SEMA4D: variants seen among roughly 807,000 people sequenced by gnomAD.
SEMA4D encodes the protein semaphorin-4D.
SEMA4D carries 22 observed loss-of-function variants against 74.8 expected under a neutral mutation model. The ratio of observed to expected loss-of-function variants is 0.29; its 90% CI spans 0.21 to 0.42. The LOEUF is 0.42. SEMA4D is among the 10% of genes least tolerant of loss of function. SEMA4D has a pLI of 1.00. For synonymous variants in SEMA4D, 445 were observed against 463.7 expected (o/e 0.96, Z 0.52); for missense variants, 937 against 1,118.4 (o/e 0.84, Z 2.31).
chr9:89,484,142 G>A lies in SEMA4D; in HGVS notation c.-310+13777C>T, dbSNP rs948735812. On this transcript the variant is annotated intron_variant, in intron 1 of 15. Coordinates refer to ENST00000422704, the MANE Select transcript of SEMA4D (RefSeq NM_001371194.2). This position sits in a 1 kb window ranked among gnomAD's most constrained non-coding sequence, Gnocchi z 4.1. The stretch of plus-strand genomic sequence containing the variant: ...GAACTGGAGCCTTAAAGAGGACGCC[G>A]CGGCCACCCCGCCCTGCAGGCCCAC... Among the ~76,000 whole-genome samples the A allele has an allele frequency of 1.6e-4, 24 of 152,344 alleles. No homozygotes were observed. Among genetic ancestry groups the A allele is most frequent in the African/African-American group, 4.8e-4 (20 of 41,578 alleles).
rs753165801 is a variant in SEMA4D, at chr9:89,379,336, C to G, written c.1957G>C (p.Val653Leu). 6.2e-7 allele frequency: 1 copy of G among 1,614,170 alleles called. No homozygotes were observed. The highest frequency in any genetic ancestry group is 8.5e-7 in the Non-Finnish European group (1 of 1,180,024). Residue 653 changes from valine (V) to leucine (L), a missense_variant, in exon 16 of 16, where the codon GTA becomes CTA. By Grantham distance (32) the Val-to-Leu change is conservative. Transcript: ENST00000422704. ...ACAACTGACAAGGTGGGGGCCACTA[C>G]GGGCTTTGGAACCACCTTCACTTCC... ...VLEVKVVPKP[V>L]VAPTLSVVQT...
intron 13 of SEMA4D, chr9:89,385,073 C>T: frequency 1.0e-6 from 1 of 982,380 alleles, no homozygotes; most frequent in Non-Finnish European, 1.2e-6. Flanking sequence ...GGGCGCGAGG[C>T]TCCCTGTGTG....
At chr9:89,463,749 C>T (rs2135769588) in intron 1 of SEMA4D, among the ~76,000 whole-genome samples, 1 of 152,280 alleles carries the variant, frequency 6.6e-6, no homozygotes, top group South Asian at 2.1e-4. Flanking sequence ...GCCTGGCCAA[C>T]ATGGTGAAAC....
At chr9:89,481,293 C>T (rs1307699372) in intron 1 of SEMA4D, among the ~76,000 whole-genome samples, 1 of 152,174 alleles carries the variant, frequency 6.6e-6, no homozygotes, top group African/African-American at 2.4e-5. Flanking sequence ...GCGAGGGAGG[C>T]GGGGCCCATC....
intron 2 of SEMA4D, among the ~76,000 whole-genome samples, chr9:89,439,843 T>A (rs564576203): frequency 6.6e-6 from 1 of 152,294 alleles, no homozygotes; most frequent in East Asian, 1.9e-4. Flanking sequence ...CTTCACGAAT[T>A]TTAGCTGAAT....
intron 1 of SEMA4D, chr9:89,479,580 G>A (rs553511559): frequency 6.2e-5 from 11 of 176,660 alleles, no homozygotes; most frequent in South Asian, 3.1e-4. Flanking sequence ...ACGGTGGCGC[G>A]TCTGGAGTCT....
At chr9:89,416,772 T>C (rs1845802655) in intron 2 of SEMA4D, among the ~76,000 whole-genome samples, 1 of 152,230 alleles carries the variant, frequency 6.6e-6, no homozygotes, top group Non-Finnish European at 1.5e-5. Context: ...AAAAATTTAA[T>C]TCATGAAGAG....
rs895297595 is a variant in SEMA4D, at chr9:89,377,460, C to T, written c.*1244G>A. The T allele has an allele frequency of 1.3e-5, 2 of 157,500 alleles. No homozygotes were observed. The highest frequency in any genetic ancestry group is 6.4e-5 in the Admixed American group (1 of 15,514). 9.8% of individuals were successfully genotyped at this position (157,500 alleles called of 1,614,324 possible). On this transcript the variant is annotated 3_prime_UTR_variant, in exon 16 of 16. Transcript: ENST00000422704. ...CTCTTCCCGATGGGTATTTACAAAG[C>T]GGGGAGATGGAGTGTGAAATTAACC...
At chr9:89,365,577 C>CA (rs1833513568) in intron 16 of SEMA4D, 2 of 152,228 alleles carry the variant, frequency 1.3e-5, no homozygotes, top group Admixed American at 1.3e-4. Flanking sequence ...CTCACAATGA[C>CA]AAAATGAAGT....
chr9:89,379,075 A>G lies in SEMA4D; in HGVS notation c.2218T>C (p.Phe740Leu), dbSNP rs1201563395. 3 of 1,613,916 alleles carry G rather than the reference A, an allele frequency of 1.9e-6. No individual in the cohort carries two copies. In the South Asian group the frequency reaches 3.3e-5, roughly 18 times the overall value. ...SSDNRLLMSL[F>L]LFFFVLFLCL... ...AGGAAGAGAACAAAGAAGAAGAGGA[A>G]GAGGGACATGAGGAGGCGGTTGTCG... The change falls in exon 16 of 16, where the codon TTC (phenylalanine) becomes CTC (leucine). Residue 740 changes from phenylalanine to leucine, a missense_variant. Phe to Leu is a conservative substitution (Grantham distance 22). Transcript: ENST00000422704.
At chr9:89,392,291 G>GT in intron 8 of SEMA4D, 132 bp downstream of exon 8, 1 of 629,350 alleles carries the variant, frequency 1.6e-6, no homozygotes, top group Non-Finnish European at 2.8e-6. Flanking sequence ...AGTTTGGGAA[G>GT]TATCCCCCAC....
At chr9:89,425,042 G>A (rs1457665253) in intron 2 of SEMA4D, among the ~76,000 whole-genome samples, 1 of 152,106 alleles carries the variant, frequency 6.6e-6, no homozygotes, top group Non-Finnish European at 1.5e-5. Context: ...GGAACACCAA[G>A]AATACACCAC....
At position 89,450,659 on chromosome 9, in the gene SEMA4D, GGA is replaced by G. The variant is rs879163987; in HGVS notation, c.-244+5227_-244+5228del. 3.6e-4 allele frequency: 152 copies of G among 421,204 alleles called. 23 individuals carry two copies. Among genetic ancestry groups the G allele is most frequent in the Middle Eastern group, 7.0e-4 (1 of 1,428 alleles). The allele number at this position is 421,204 out of a possible 1,614,324, so 26.1% of individuals were successfully genotyped here. A position where few individuals can be genotyped will look rare whatever the true frequency, so the allele number is the denominator to read the frequency against. ...AGAGTTCTGCAAGTCGAAAAACCCA[GGA>G]AAAAAAAAAAAAAAAAAAAAAAAAA... On this transcript the variant is annotated intron_variant, in intron 2 of 15. Coordinates refer to ENST00000422704, the MANE Select transcript of SEMA4D (RefSeq NM_001371194.2).
At chr9:89,363,996 C>G (rs749680588) in intron 16 of SEMA4D, 1 of 1,613,758 alleles carries the variant, frequency 6.2e-7, no homozygotes, top group South Asian at 1.1e-5. Flanking sequence ...ATTTAGGACC[C>G]AAAGAAGCTG....
At chr9:89,459,554 T>C (rs908792952) in intron 1 of SEMA4D, among the ~76,000 whole-genome samples, 7 of 152,142 alleles carry the variant, frequency 4.6e-5, no homozygotes, top group African/African-American at 1.7e-4. Flanking sequence ...CTTATTAACA[T>C]TCCTGAGGGT....
intron 1 of SEMA4D, among the ~76,000 whole-genome samples, chr9:89,471,142 G>C (rs28573795): frequency 0.32 from 48,347 of 152,102 alleles, 7,921 homozygotes; most frequent in East Asian, 0.37. Flanking sequence ...CACAAAAGGA[G>C]AAACACTGCG....
chr9:89,363,309 G>T (rs1175612731), intron 18 of SEMA4D: 1 of 1,427,812 alleles, frequency 7.0e-7, no homozygotes, highest in East Asian at 2.4e-5. Context: ...AACTGCTCCG[G>T]GGCTAAGAGG....
rs548276644 is a variant in SEMA4D at position 89,462,447 on chromosome 9, C to T, written c.-309-6494G>A. On this transcript the variant is annotated intron_variant, in intron 1 of 15. Coordinates refer to ENST00000422704, the MANE Select transcript of SEMA4D (RefSeq NM_001371194.2). ...TTTATAACAACATTGATGTGAGCAA[C>T]GGCAGGCAACCGGCTGATAAAATGT... is the stretch of plus-strand genomic sequence containing the variant. 5.9e-5 allele frequency among the ~76,000 whole-genome samples: 9 copies of T among 152,268 alleles called. No individual in the cohort carries two copies. The East Asian group carries it at 1.5e-3, about 26-fold the overall frequency.
intron 2 of SEMA4D, among the ~76,000 whole-genome samples, chr9:89,429,397 C>G (rs934270239): frequency 6.6e-6 from 1 of 152,236 alleles, no homozygotes; most frequent in African/African-American, 2.4e-5. Flanking sequence ...CCCAGCAACA[C>G]TGTCACCATC....
Sources: gnomAD v4.1 joint callset for allele counts (sites outside exome capture counted in the v4.1 genomes callset) on GRCh38, gnomAD v4.1.1 for gene constraint, Gnocchi (gnomAD v3.1) non-coding constraint, MANE v1.5 for transcripts, NCBI Gene and HGNC (gene_info 2026-07-23, HGNC 2026-07-21) for gene names.